Variants in GPC6 observed in about 807,000 individuals in gnomAD.
GPC6 encodes glypican 6.
Under a neutral mutation model 55.2 loss-of-function variants are expected in GPC6, and 14 were observed. The observed-to-expected ratio is 0.25, with a 90% CI of 0.17 to 0.40. The LOEUF is 0.40. GPC6 is among the 10% of genes least tolerant of loss of function. The pLI is 1.00. For synonymous variants in GPC6, 278 were observed against 259.6 expected (o/e 1.07, Z -0.68); for missense variants, 641 against 708.5 (o/e 0.90, Z 1.08).
intron 6 of GPC6, among the ~76,000 whole-genome samples, chr13:94,322,782 TG>T (rs1270813687): frequency 2.0e-5 from 3 of 152,118 alleles, no homozygotes; most frequent in African/African-American, 7.2e-5. Flanking sequence ...GCAGCAGGGT[TG>T]GTCACACGGT....
At chr13:94,332,152 T>G (rs1212140348) in intron 6 of GPC6, among the ~76,000 whole-genome samples, 1 of 152,200 alleles carries the variant, frequency 6.6e-6, no homozygotes, top group Non-Finnish European at 1.5e-5. Context: ...TATTCAAAAA[T>G]TTAATTTTTT....
chr13:93,298,900 G>GTT (rs138697717), intron 1 of GPC6, among the ~76,000 whole-genome samples: 4 of 140,432 alleles, frequency 2.8e-5, no homozygotes, highest in African/African-American at 5.2e-5. Context: ...TTCTCTTAGG[G>GTT]TTTTTTTTTT....
chr13:93,800,357 G>A (rs140916955), intron 2 of GPC6, among the ~76,000 whole-genome samples: 361 of 152,230 alleles, frequency 2.4e-3, no homozygotes, highest in Middle Eastern at 0.014. Flanking sequence ...GAATGTGCTC[G>A]TCAGCTTGAA....
intron 3 of GPC6, among the ~76,000 whole-genome samples, chr13:94,026,740 A>G (rs1000886549): frequency 8.5e-5 from 13 of 152,168 alleles, no homozygotes; most frequent in Admixed American, 1.3e-4. Context: ...GGAGGTCTCA[A>G]GAAACTACAA....
At chr13:93,225,499 T>G (rs1424471725), upstream of GPC6, among the ~76,000 whole-genome samples, 4 of 11,192 alleles carry the variant, frequency 3.6e-4, no homozygotes, top group African/African-American at 3.9e-4. Flanking sequence ...TTTTTTTTTG[T>G]TTTGTTTTGT....
intron 2 of GPC6, among the ~76,000 whole-genome samples, chr13:93,562,266 C>T (rs888732231): frequency 1.3e-5 from 2 of 151,958 alleles, no homozygotes; most frequent in Non-Finnish European, 2.9e-5. Flanking sequence ...CCTTGTAATT[C>T]GGCCTTACTC....
chr13:94,351,988 A>G (rs894454516), intron 6 of GPC6, among the ~76,000 whole-genome samples: 4 of 151,216 alleles, frequency 2.6e-5, no homozygotes, highest in African/African-American at 9.7e-5. Flanking sequence ...AAAAAGAAAA[A>G]GAAAAAAAAT....
chr13:94,249,785 G>A (rs767724380), intron 4 of GPC6, among the ~76,000 whole-genome samples: 3 of 152,088 alleles, frequency 2.0e-5, no homozygotes, highest in East Asian at 1.9e-4. Context: ...ACAGAACAGC[G>A]TTTGACAAGC....
At chr13:93,434,137 G>A (rs1004365093) in intron 1 of GPC6, among the ~76,000 whole-genome samples, 6 of 152,096 alleles carry the variant, frequency 3.9e-5, no homozygotes, top group African/African-American at 1.4e-4. Context: ...AAGTGGTGTC[G>A]GAGTGTCATG....
chr13:94,117,364 G>T (rs757875431), intron 4 of GPC6, among the ~76,000 whole-genome samples: 3 of 152,114 alleles, frequency 2.0e-5, no homozygotes, highest in Non-Finnish European at 4.4e-5. Flanking sequence ...GCAATTATTT[G>T]AGTAGGTGAA....
In GPC6 at chr13:93,726,103, TACACACAC is replaced by T. The variant is rs71811304; in HGVS notation, c.320-104009_320-104002del. Among the ~76,000 whole-genome samples the T allele has an allele frequency of 8.2e-3, 1,039 of 126,820 alleles. 12 individuals carry two copies. The highest frequency in any genetic ancestry group is 0.016 in the East Asian group (70 of 4,488). 83.2% of individuals were successfully genotyped at this position (126,820 alleles called of 152,430 possible). ...TGCAAAATAAAGACTTTTTCCTTCA[TACACACAC>T]ACACACACACACACACACACACACA... On this transcript the variant is annotated intron_variant, in intron 2 of 8. Coordinates refer to ENST00000377047, the MANE Select transcript of GPC6 (RefSeq NM_005708.5).
chr13:93,975,174 C>T (rs912433622), intron 3 of GPC6, among the ~76,000 whole-genome samples: 1 of 152,190 alleles, frequency 6.6e-6, no homozygotes, highest in Non-Finnish European at 1.5e-5. Flanking sequence ...CTATGAGGAT[C>T]ACTTCTTTCT....
chr13:94,371,757 A>C (rs1366557745), intron 6 of GPC6, among the ~76,000 whole-genome samples: 1 of 152,212 alleles, frequency 6.6e-6, no homozygotes, highest in African/African-American at 2.4e-5. Context: ...TAGTAAAATG[A>C]ACATCCATAT....
chr13:94,124,007 A>G (rs1886723904), intron 4 of GPC6, among the ~76,000 whole-genome samples: 1 of 152,230 alleles, frequency 6.6e-6, no homozygotes, highest in African/African-American at 2.4e-5. Flanking sequence ...AGTAAATAAG[A>G]TACACTAATG....
chr13:94,123,706 A>G (rs1471420944), intron 4 of GPC6, among the ~76,000 whole-genome samples: 3 of 152,024 alleles, frequency 2.0e-5, no homozygotes, highest in Non-Finnish European at 4.4e-5. Context: ...TTTGTATTTG[A>G]AAAGGGAGTG....
chr13:94,151,282 G>A (rs890700837), intron 4 of GPC6, among the ~76,000 whole-genome samples: 10 of 152,128 alleles, frequency 6.6e-5, no homozygotes, highest in African/African-American at 2.2e-4. Flanking sequence ...TCAAAAAGCT[G>A]AAATAATTGG....
intron 1 of GPC6, among the ~76,000 whole-genome samples, chr13:93,313,879 G>A (rs551303522): frequency 6.6e-6 from 1 of 152,190 alleles, no homozygotes; most frequent in Admixed American, 6.5e-5. Flanking sequence ...ATTATACTAT[G>A]TATACAGTTC....
chr13:94,110,062 TAAAAAAA>T (rs78404632), intron 4 of GPC6, among the ~76,000 whole-genome samples: 4 of 84,632 alleles, frequency 4.7e-5, no homozygotes, highest in African/African-American at 8.4e-5. Context: ...CACCCTGGAC[TAAAAAAA>T]AAAAAAAAAA....
intron 1 of GPC6, among the ~76,000 whole-genome samples, chr13:93,353,551 C>T (rs183684974): frequency 6.6e-6 from 1 of 152,314 alleles, no homozygotes; most frequent in East Asian, 1.9e-4. Context: ...TCAACAAAGT[C>T]AGGCATTCAG....
Sources: allele counts gnomAD v4.1 joint callset (sites outside exome capture counted in the v4.1 genomes callset), GRCh38; gene constraint gnomAD v4.1.1; transcripts MANE v1.5; gene names NCBI Gene and HGNC (gene_info 2026-07-23, HGNC 2026-07-21).